MCTP1: variants seen among roughly 807,000 people sequenced by gnomAD.
MCTP1 encodes the protein multiple C2 and transmembrane domain-containing protein 1.
MCTP1 carries 69 observed loss-of-function variants against 120.6 expected under a neutral mutation model. That is an observed-to-expected ratio of 0.57 (90% CI 0.47 to 0.70). The LOEUF is 0.70. Among genes scored for constraint, MCTP1 ranks in the 30% least tolerant of loss-of-function variants. The probability of loss-of-function intolerance (pLI) is 0.00; values close to 1 mark genes in which losing one functional copy is unlikely to be tolerated. For synonymous variants in MCTP1, 529 were observed against 493.1 expected (o/e 1.07, Z -0.96); for missense variants, 1,203 against 1,248.8 (o/e 0.96, Z 0.55).
chr5:94,989,889 G>GA (rs1831194046), intron 2 of MCTP1, among the ~76,000 whole-genome samples: 1 of 152,166 alleles, frequency 6.6e-6, no homozygotes, highest in Non-Finnish European at 1.5e-5. Flanking sequence ...TGATGTGCTG[G>GA]AAGGTGTCAC....
chr5:95,022,025 T>C (rs1562030805), intron 1 of MCTP1, among the ~76,000 whole-genome samples: 1 of 152,192 alleles, frequency 6.6e-6, no homozygotes, highest in Non-Finnish European at 1.5e-5. Context: ...TTTTGTAACA[T>C]TGAATCATCT....
intron 17 of MCTP1, among the ~76,000 whole-genome samples, chr5:94,817,153 C>T (rs1001438447): frequency 6.6e-6 from 1 of 152,046 alleles, no homozygotes; most frequent in Non-Finnish European, 1.5e-5. Flanking sequence ...ACCTGTAATC[C>T]CAGCACTTTG....
chr5:95,144,234 T>G (rs1030285090), intron 1 of MCTP1, among the ~76,000 whole-genome samples: 1 of 152,224 alleles, frequency 6.6e-6, no homozygotes, highest in Non-Finnish European at 1.5e-5. Flanking sequence ...TTCATGTCCT[T>G]TGCCCATTTT....
At chr5:94,929,328 C>A (rs1190090551) in intron 6 of MCTP1, among the ~76,000 whole-genome samples, 1 of 152,112 alleles carries the variant, frequency 6.6e-6, no homozygotes, top group Non-Finnish European at 1.5e-5. Flanking sequence ...GGCTGCATGC[C>A]AAAGCCCTGC....
At chr5:94,922,892 A>T (rs113368807) in intron 7 of MCTP1, among the ~76,000 whole-genome samples, 501 of 152,188 alleles carry the variant, frequency 3.3e-3, no homozygotes, top group African/African-American at 0.012. Flanking sequence ...ATATAAGAGG[A>T]ATTATTATTT....
At chr5:95,015,819 T>C (rs1311492511) in intron 2 of MCTP1, among the ~76,000 whole-genome samples, 1 of 152,116 alleles carries the variant, frequency 6.6e-6, no homozygotes, top group African/African-American at 2.4e-5. Context: ...ATTTTATAAT[T>C]ATAAACAATG....
At chr5:95,230,097 T>C (rs534354046) in intron 1 of MCTP1, among the ~76,000 whole-genome samples, 3 of 152,190 alleles carry the variant, frequency 2.0e-5, no homozygotes, top group Admixed American at 2.0e-4. Context: ...TACCTTTCTT[T>C]AGTTAACAAA....
At chr5:94,941,630 G>T (rs1817744801) in intron 4 of MCTP1, among the ~76,000 whole-genome samples, 1 of 151,918 alleles carries the variant, frequency 6.6e-6, no homozygotes, top group Non-Finnish European at 1.5e-5. Flanking sequence ...ATCAAAGAAG[G>T]TTTCACAGTT....
intron 1 of MCTP1, among the ~76,000 whole-genome samples, chr5:95,214,238 T>C (rs1300305275): frequency 6.6e-6 from 1 of 152,250 alleles, no homozygotes; most frequent in Non-Finnish European, 1.5e-5. Flanking sequence ...AGAAGACATT[T>C]ATGCAGCCAA....
At chr5:95,174,605 G>C (rs1747748670) in intron 1 of MCTP1, among the ~76,000 whole-genome samples, 1 of 152,082 alleles carries the variant, frequency 6.6e-6, no homozygotes. Flanking sequence ...CTACTTACTA[G>C]GTGTGTGACC....
At chr5:94,827,030 T>C (rs1787292815) in intron 17 of MCTP1, among the ~76,000 whole-genome samples, 1 of 152,092 alleles carries the variant, frequency 6.6e-6, no homozygotes. Context: ...GCTGGTTATT[T>C]TGCCCATTAG....
chr5:95,113,581 G>A (rs1582276789), intron 1 of MCTP1, among the ~76,000 whole-genome samples: 1 of 152,290 alleles, frequency 6.6e-6, no homozygotes, highest in South Asian at 2.1e-4. Flanking sequence ...CCCACACAGG[G>A]AGTATTTAAA....
rs1384109438 is a variant in MCTP1, at chr5:95,284,992, C to G, written c.-417G>C. 6.6e-6 allele frequency among the ~76,000 whole-genome samples: 1 copy of G among 152,194 alleles called. No homozygotes were observed. The highest frequency in any genetic ancestry group is 2.1e-4 in the South Asian group (1 of 4,832). ...GCACCGGGGCGTGCGCGTCCAGCTG[C>G]GCCAGGGACCGCACCCGGCGCCCTC... On this transcript the variant is annotated 5_prime_UTR_variant, in exon 1 of 23. Transcript: ENST00000515393. This position sits in a 1 kb window ranked among gnomAD's most constrained non-coding sequence, Gnocchi z 5.2.
chr5:95,162,713 C>A (rs1281812479), intron 1 of MCTP1, among the ~76,000 whole-genome samples: 4 of 152,134 alleles, frequency 2.6e-5, no homozygotes, highest in African/African-American at 9.7e-5. Flanking sequence ...TTCATTTCTC[C>A]CAGCTTCAAT....
chr5:95,251,364 G>A (rs1746855166), intron 1 of MCTP1, among the ~76,000 whole-genome samples: 1 of 152,138 alleles, frequency 6.6e-6, no homozygotes, highest in South Asian at 2.1e-4. Context: ...GACGAGAATA[G>A]TCAAGAGGTT....
intron 19 of MCTP1, among the ~76,000 whole-genome samples, chr5:94,727,180 G>A (rs1339302311): frequency 1.3e-5 from 2 of 152,222 alleles, no homozygotes; most frequent in African/African-American, 4.8e-5. Flanking sequence ...AGACAAAACA[G>A]CACAGGAAAG....
intron 1 of MCTP1, among the ~76,000 whole-genome samples, chr5:95,028,624 A>T (rs1014523631): frequency 1.3e-5 from 2 of 152,204 alleles, no homozygotes; most frequent in Non-Finnish European, 2.9e-5. Flanking sequence ...TACAGTATAT[A>T]AAATAACCTG....
chr5:94,842,567 C>T (rs1791351230), intron 17 of MCTP1, among the ~76,000 whole-genome samples: 2 of 152,130 alleles, frequency 1.3e-5, no homozygotes, highest in African/African-American at 2.4e-5. Flanking sequence ...AAAAAATCAT[C>T]AAGGAACAAA....
chr5:94,894,600 C>A (rs1447904546), intron 11 of MCTP1, 49 bp downstream of exon 11: 1 of 1,364,624 alleles, frequency 7.3e-7, no homozygotes, highest in Non-Finnish European at 1.0e-6. Flanking sequence ...TTGTTTACAA[C>A]CTGATCTAGT....
Sources: gnomAD v4.1 joint callset for allele counts (sites outside exome capture counted in the v4.1 genomes callset) on GRCh38, gnomAD v4.1.1 for gene constraint, Gnocchi (gnomAD v3.1) non-coding constraint, MANE v1.5 for transcripts, NCBI Gene and HGNC (gene_info 2026-07-23, HGNC 2026-07-21) for gene names.